The following ZFAT variants were observed in gnomAD, a reference collection of about 807,000 sequenced individuals.
The protein encoded by ZFAT is zinc finger and AT-hook domain containing.
A neutral mutation model predicts 117.7 loss-of-function variants in ZFAT; 64 were observed. The ratio of observed to expected loss-of-function variants is 0.54; its 90% CI spans 0.44 to 0.67. The LOEUF (loss-of-function observed/expected upper bound fraction) is 0.67. Among genes scored for constraint, ZFAT ranks in the 30% least tolerant of loss-of-function variants. The pLI is 0.00. For missense variants in ZFAT, 1,433 were observed against 1,584.5 expected (o/e 0.90, Z 1.62); for synonymous variants, 679 against 615.0 (o/e 1.10, Z -1.54).
rs759416037 is a variant in ZFAT at position 134,602,244 on chromosome 8, C to G, written c.1475G>C (p.Ser492Thr). 3.7e-6 allele frequency: 6 copies of G among 1,613,634 alleles called. No individual in the cohort carries two copies. The Admixed American group carries it at 8.3e-5, about 22-fold the overall frequency. Residue 492 changes from serine to threonine, a missense_variant, in exon 6 of 16, where the codon AGT becomes ACT. Physicochemically the swap from Ser to Thr is moderately conservative, Grantham distance 58. Coordinates refer to ENST00000377838, the MANE Select transcript of ZFAT (RefSeq NM_020863.4). The part of the protein sequence containing the change: ...GAAQEALVFT[S>T]SINQSFCLLE... Reference sequence around the variant, plus strand: ...GAGGCAGAAGCTCTGGTTGATGGAACTGGTGAAGACCAAGGCCTCCTGGGC... The same window carrying G: ...GAGGCAGAAGCTCTGGTTGATGGAAGTGGTGAAGACCAAGGCCTCCTGGGC...
chr8:134,547,268 T>A (rs376040128), intron 11 of ZFAT, among the ~76,000 whole-genome samples: 19 of 152,330 alleles, frequency 1.2e-4, no homozygotes, highest in African/African-American at 4.3e-4. Context: ...AAGCTTCACT[T>A]CAGCAATAAT....
the ZFAT span, among the ~76,000 whole-genome samples, chr8:134,814,678 T>C: frequency 6.6e-6 from 1 of 152,262 alleles, no homozygotes; most frequent in East Asian, 1.9e-4. Flanking sequence ...ACACCCATCA[T>C]GCCCTCCACA....
chr8:134,664,136 C>G (rs538430509), intron 1 of ZFAT, among the ~76,000 whole-genome samples: 48 of 152,162 alleles, frequency 3.2e-4, no homozygotes, highest in African/African-American at 6.5e-4. Context: ...CTCTACCCCC[C>G]ACTCCACCCC....
chr8:134,762,815 A>G, the ZFAT span, among the ~76,000 whole-genome samples: 1 of 152,034 alleles, frequency 6.6e-6, no homozygotes, highest in Non-Finnish European at 1.5e-5. Context: ...CCCTACCCAT[A>G]CCTCTCTACC....
In ZFAT at chr8:134,588,226, T is replaced by C; in HGVS notation, c.2713+20A>G. 1 of 1,532,530 alleles carries C rather than the reference T, an allele frequency of 6.5e-7. No individual in the cohort carries two copies. Among genetic ancestry groups the C allele is most frequent in the Admixed American group, 2.1e-5 (1 of 46,526 alleles). 94.9% of individuals were successfully genotyped at this position (1,532,530 alleles called of 1,614,324 possible). On this transcript the variant is annotated intron_variant, in intron 9 of 15. Coordinates refer to ENST00000377838, the MANE Select transcript of ZFAT (RefSeq NM_020863.4). Reference sequence around the variant, plus strand: ...GCACAAAATTAGAAAGGTGCCCAATTTGGAAAGATGAATACTCACCTTCAT... The same window carrying C: ...GCACAAAATTAGAAAGGTGCCCAATCTGGAAAGATGAATACTCACCTTCAT...
intron 5 of ZFAT, among the ~76,000 whole-genome samples, chr8:134,608,294 T>C (rs1051256443): frequency 6.6e-6 from 1 of 152,216 alleles, no homozygotes. Flanking sequence ...GTTACTTTAA[T>C]GCCACATCAT....
In ZFAT at chr8:134,601,559, G is replaced by A. The variant is rs1827465196; in HGVS notation, c.2160C>T (p.Asn720=). 7 of 1,614,100 alleles carry A rather than the reference G, an allele frequency of 4.3e-6. No individual in the cohort carries two copies. The highest frequency in any genetic ancestry group is 5.9e-6 in the Non-Finnish European group (7 of 1,180,054). Residue 720 remains asparagine (N), a synonymous_variant, in exon 6 of 16, where the codon AAC becomes AAT. Transcript: ENST00000377838. The part of the protein sequence containing the change: ...SGITAFMKVL[N]SLQKKQMNTS... ...TGTTCATTTGCTTCTTCTGTAAACT[G>A]TTCAGGACCTTCATGAAAGCGGTGA... is the stretch of plus-strand genomic sequence containing the variant.
At chr8:134,725,464 C>T in the ZFAT span, among the ~76,000 whole-genome samples, 3 of 152,128 alleles carry the variant, frequency 2.0e-5, no homozygotes, top group South Asian at 2.1e-4. Flanking sequence ...ACATGGCCAG[C>T]GTAGGAGCAA....
intron 1 of ZFAT, among the ~76,000 whole-genome samples, chr8:134,712,579 G>T (rs1428923435): frequency 1.3e-5 from 2 of 151,162 alleles, no homozygotes; most frequent in Admixed American, 1.3e-4. Context: ...ACCCATTGCC[G>T]TGGAAACGGC....
the ZFAT span, among the ~76,000 whole-genome samples, chr8:134,751,245 G>A: frequency 3.9e-5 from 6 of 152,288 alleles, no homozygotes; most frequent in South Asian, 1.2e-3. Flanking sequence ...TGGGATTCAA[G>A]TGGTCTGAAA....
At chr8:134,680,668 T>C (rs186442838) in intron 1 of ZFAT, among the ~76,000 whole-genome samples, 3 of 152,208 alleles carry the variant, frequency 2.0e-5, no homozygotes. Context: ...AATTTCTTGG[T>C]TTAATATTGT....
intron 15 of ZFAT, among the ~76,000 whole-genome samples, chr8:134,495,791 A>T (rs1222412447): frequency 6.6e-6 from 1 of 152,174 alleles, no homozygotes; most frequent in East Asian, 1.9e-4. Flanking sequence ...TTAGCCAGGC[A>T]CAGTGGTTCA....
the ZFAT span, among the ~76,000 whole-genome samples, chr8:134,755,919 C>G: frequency 0.77 from 116,518 of 151,966 alleles, 45,184 homozygotes; most frequent in African/African-American, 0.89. Context: ...CTCCCTTATG[C>G]AGAGAGAATG....
intron 5 of ZFAT, among the ~76,000 whole-genome samples, chr8:134,607,160 C>G (rs1365382167): frequency 6.6e-6 from 1 of 152,158 alleles, no homozygotes; most frequent in Admixed American, 6.5e-5. Context: ...ACCTCCCCGC[C>G]AACAGACCTT....
rs1311755051 is a variant in ZFAT, at chr8:134,588,355, C to G, written c.2604G>C (p.Arg868Ser). Residue 868 changes from arginine (R) to serine (S), a missense_variant, in exon 9 of 16, where the codon AGG becomes AGC. Transcript: ENST00000377838. ...MSTISEVLGR[R>S]VQLKGLIGKR... ...TTCCAATTAGCCCTTTCAGCTGAAC[C>G]CTCCTCCCGAGAACCTCAGAAATGG... 3.1e-6 allele frequency: 5 copies of G among 1,593,604 alleles called. No homozygotes were observed. The highest frequency in any genetic ancestry group is 4.3e-6 in the Non-Finnish European group (5 of 1,169,742).
intron 7 of ZFAT, among the ~76,000 whole-genome samples, chr8:134,591,648 G>C (rs773830744): frequency 6.6e-6 from 1 of 152,194 alleles, no homozygotes; most frequent in African/African-American, 2.4e-5. Flanking sequence ...TCACTAGGGT[G>C]GGCCCTCATC....
chr8:134,813,930 C>T, the ZFAT span, among the ~76,000 whole-genome samples: 2 of 151,760 alleles, frequency 1.3e-5, no homozygotes, highest in South Asian at 4.2e-4. Context: ...AAGTCATACC[C>T]AAAAATTACA....
chr8:134,602,763 C>T lies in ZFAT; in HGVS notation c.956G>A (p.Arg319His), dbSNP rs1282530937. The change falls in exon 6 of 16, where the codon CGC becomes CAC. Residue 319 changes from arginine (R) to histidine (H), a missense_variant. Physicochemically the swap from Arg to His is conservative, Grantham distance 29. Around this residue, in one of 5 missense-constraint regions of ZFAT, gnomAD observed 436 missense variants for 482.0 expected, o/e 0.90. Transcript: ENST00000377838. ...AIKANLNVHL[R>H]KHTGEKFACD... ...GGCGAACTTCTCTCCAGTGTGCTTG[C>T]GCAGGTGCACATTGAGGTTGGCCTT... 7.4e-6 allele frequency: 12 copies of T among 1,613,626 alleles called. No individual in the cohort carries two copies. The highest frequency in any genetic ancestry group is 7.6e-6 in the Non-Finnish European group (9 of 1,179,708).
At chr8:134,611,157 G>A (rs1006900620) in intron 3 of ZFAT, among the ~76,000 whole-genome samples, 4 of 152,360 alleles carry the variant, frequency 2.6e-5, no homozygotes, top group South Asian at 4.1e-4. Context: ...AGCACAGGCA[G>A]TCCAGGGCAG....
Sources: gnomAD v4.1 joint callset for allele counts (sites outside exome capture counted in the v4.1 genomes callset) on GRCh38, gnomAD v4.1.1 for gene constraint, gnomAD v4.1.1 regional missense constraint, MANE v1.5 for transcripts, NCBI Gene and HGNC (gene_info 2026-07-23, HGNC 2026-07-21) for gene names.